MUSK: variants seen among roughly 807,000 people sequenced by gnomAD.
MUSK encodes the protein muscle, skeletal receptor tyrosine-protein kinase.
In MUSK, 55 loss-of-function variants were observed where a neutral mutation model predicts 88.7. That is an observed-to-expected ratio of 0.62 (90% confidence interval 0.50 to 0.78). The LOEUF (loss-of-function observed/expected upper bound fraction) is 0.78, where lower values mean the gene tolerates loss of function less well. Among genes scored for constraint, MUSK ranks in the 30% least tolerant of loss-of-function variants. MUSK has a pLI of 0.00. For synonymous variants in MUSK, 387 were observed against 391.9 expected, an observed-to-expected ratio of 0.99 and a Z score of 0.15; for missense variants, 1,015 against 1,074.3, an observed-to-expected ratio of 0.94 and a Z score of 0.77.
chr9:110,670,510 A>G lies in MUSK; in HGVS notation c.79+1527A>G, dbSNP rs183524871. Among the ~76,000 whole-genome samples, 20 of 152,324 alleles carry G rather than the reference A, an allele frequency of 1.3e-4. No homozygotes were observed. In the East Asian group the frequency reaches 1.4e-3, roughly 10 times the overall value. On this transcript the variant is annotated intron_variant, in intron 1 of 14. Coordinates refer to ENST00000374448, the MANE Select transcript of MUSK (RefSeq NM_005592.4). ...CACACAAAACCCCCAAAATCTCTCT[A>G]TCTGAATAAGTCTTAATTTATATTC...
chr9:110,671,549 GAATT>G (rs1304835365), intron 1 of MUSK, among the ~76,000 whole-genome samples: 7 of 152,086 alleles, frequency 4.6e-5, no homozygotes, highest in African/African-American at 1.4e-4. Context: ...CAACTTTGTA[GAATT>G]AATTGTTCAT....
At chr9:110,681,006 T>TATATAA (rs1554732298) in intron 1 of MUSK, among the ~76,000 whole-genome samples, 2 of 41,954 alleles carry the variant, frequency 4.8e-5, no homozygotes, top group African/African-American at 1.5e-4. Context: ...ATATATTATA[T>TATATAA]TATATATAAT....
chr9:110,690,039 A>G (rs1308978230), intron 3 of MUSK, among the ~76,000 whole-genome samples: 1 of 92,316 alleles, frequency 1.1e-5, no homozygotes, highest in African/African-American at 5.0e-5. Flanking sequence ...ATATTAATAT[A>G]AGTATAAATA....
At chr9:110,706,534 A>G (rs1193139786) in intron 5 of MUSK, among the ~76,000 whole-genome samples, 1 of 152,134 alleles carries the variant, frequency 6.6e-6, no homozygotes, top group African/African-American at 2.4e-5. Context: ...GAGTACCTCT[A>G]AAGGACAGGA....
At chr9:110,679,583 T>C (rs2076081073) in intron 1 of MUSK, among the ~76,000 whole-genome samples, 1 of 152,084 alleles carries the variant, frequency 6.6e-6, no homozygotes, top group Non-Finnish European at 1.5e-5. Flanking sequence ...TATTATTTTA[T>C]GTCTTCTGTT....
chr9:110,726,480 C>T (rs775193545), intron 5 of MUSK, among the ~76,000 whole-genome samples: 10 of 151,962 alleles, frequency 6.6e-5, no homozygotes, highest in Non-Finnish European at 8.8e-5. Flanking sequence ...GAAACTGAAA[C>T]GAGACTCAGA....
chr9:110,785,804 T>C (rs887037753), intron 13 of MUSK, 86 bp downstream of exon 13: 22 of 825,292 alleles, frequency 2.7e-5, no homozygotes, highest in Non-Finnish European at 3.8e-5. Context: ...ATATATATAA[T>C]ATTAGCTTTA....
At chr9:110,689,521 ACAAC>A (rs1301227053) in intron 3 of MUSK, among the ~76,000 whole-genome samples, 1 of 85,116 alleles carries the variant, frequency 1.2e-5, no homozygotes, top group Non-Finnish European at 2.0e-5. Flanking sequence ...ATAAATATAT[ACAAC>A]TATATATAAA....
intron 1 of MUSK, among the ~76,000 whole-genome samples, chr9:110,670,955 A>C (rs1168069891): frequency 6.6e-6 from 1 of 151,862 alleles, no homozygotes; most frequent in Non-Finnish European, 1.5e-5. Flanking sequence ...GAACCACAAT[A>C]AAATTTTATT....
At chr9:110,767,662 A>G (rs2131954706) in intron 8 of MUSK, 158 bp from the exon 9 acceptor site, 1 of 770,910 alleles carries the variant, frequency 1.3e-6, no homozygotes, top group East Asian at 2.6e-5. Flanking sequence ...GCAGCTGGAA[A>G]TGAAGACAAT....
At chr9:110,760,377 G>C (rs1241482897) in intron 7 of MUSK, among the ~76,000 whole-genome samples, 2 of 152,132 alleles carry the variant, frequency 1.3e-5, no homozygotes, top group Non-Finnish European at 2.9e-5. Flanking sequence ...ATACTACGTG[G>C]TCATAAAAAA....
chr9:110,694,299 T>C, intron 3 of MUSK, among the ~76,000 whole-genome samples: 1 of 137,252 alleles, frequency 7.3e-6, no homozygotes, highest in Non-Finnish European at 1.5e-5. Context: ...GGCAGGACAA[T>C]GGCATGAACC....
chr9:110,683,251 C>T (rs1453004266), intron 2 of MUSK, among the ~76,000 whole-genome samples: 1 of 152,062 alleles, frequency 6.6e-6, no homozygotes, highest in African/African-American at 2.4e-5. Context: ...CTGTGCCTGG[C>T]TAATTTCATT....
intron 4 of MUSK, among the ~76,000 whole-genome samples, chr9:110,696,850 T>G (rs2076435712): frequency 6.6e-6 from 1 of 151,930 alleles, no homozygotes; most frequent in Non-Finnish European, 1.5e-5. Flanking sequence ...GTTGCAAGGA[T>G]GAACTGTATA....
intron 7 of MUSK, among the ~76,000 whole-genome samples, chr9:110,751,109 A>C (rs1467446990): frequency 6.6e-6 from 1 of 152,202 alleles, no homozygotes; most frequent in African/African-American, 2.4e-5. Context: ...TATCTACTCC[A>C]CACAAGGGAA....
intron 5 of MUSK, among the ~76,000 whole-genome samples, chr9:110,718,840 T>C (rs1399957302): frequency 1.3e-5 from 2 of 152,052 alleles, no homozygotes; most frequent in African/African-American, 4.8e-5. Flanking sequence ...GGCAAAAGCA[T>C]CAGGCATCTT....
chr9:110,695,505 G>A lies in MUSK; in HGVS notation c.461G>A (p.Trp154Ter), dbSNP rs866186589. 2 of 1,565,892 alleles carry A rather than the reference G, an allele frequency of 1.3e-6. No homozygotes were observed. The highest frequency in any genetic ancestry group is 1.7e-6 in the Non-Finnish European group (2 of 1,152,940). Reference protein sequence around the residue: ...TMGNPKPSVSWIKGDSPLREN... With the variant: ...TMGNPKPSVS ...GGTAATCCCAAACCATCAGTGTCTT[G>A]GATAAAGGGAGACAGCCCTCTCAGG... Residue 154 changes from tryptophan (W) to a stop codon, truncating the protein, a stop_gained, in exon 4 of 15, where the codon TGG becomes TAG. Coordinates refer to ENST00000374448, the MANE Select transcript of MUSK (RefSeq NM_005592.4). LOFTEE classifies it high-confidence loss of function.
intron 1 of MUSK, among the ~76,000 whole-genome samples, chr9:110,675,173 A>T (rs1235732881): frequency 7.0e-6 from 1 of 143,294 alleles, no homozygotes; most frequent in African/African-American, 2.5e-5. Context: ...TCGGTAAGTG[A>T]TGGAGCTGGG....
chr9:110,759,624 G>GA (rs2077371408), intron 7 of MUSK, among the ~76,000 whole-genome samples: 2 of 151,644 alleles, frequency 1.3e-5, no homozygotes, highest in South Asian at 4.2e-4. Context: ...TACATACAAG[G>GA]AAAAAAACAA....
Sources: allele counts gnomAD v4.1 joint callset (sites outside exome capture counted in the v4.1 genomes callset), GRCh38; gene constraint gnomAD v4.1.1; transcripts MANE v1.5; gene names NCBI Gene and HGNC (gene_info 2026-07-23, HGNC 2026-07-21).